MMP21: variants seen among roughly 807,000 people sequenced by gnomAD.
MMP21 encodes matrix metallopeptidase 21, also known as matrix metalloproteinase-21.
MMP21 carries 40 observed loss-of-function variants against 47.8 expected under a neutral mutation model. The ratio of observed to expected loss-of-function variants is 0.84; its 90% CI spans 0.65 to 1.09. The LOEUF is 1.09. Among genes scored for constraint, MMP21 ranks in the 50% least tolerant of loss-of-function variants. The probability of loss-of-function intolerance (pLI) is 0.00; values close to 1 mark genes in which losing one functional copy is unlikely to be tolerated. For synonymous variants in MMP21, 341 were observed against 318.0 expected, an observed-to-expected ratio of 1.07 and a Z score of -0.77; for missense variants, 747 against 775.3, an observed-to-expected ratio of 0.96 and a Z score of 0.43.
chr10:125,769,909 A>C (rs1239109067), intron 5 of MMP21, among the ~76,000 whole-genome samples: 1 of 152,172 alleles, frequency 6.6e-6, no homozygotes, highest in Non-Finnish European at 1.5e-5. Context: ...ACACTTTGAG[A>C]GGCCAAGGTG....
Position 125,773,759 on chromosome 10 carries a change from G to A in MMP21, c.697+72C>T, listed in dbSNP as rs1429096948. The A allele has an allele frequency of 1.1e-5, 16 of 1,431,748 alleles. No homozygotes were observed. The highest frequency in any genetic ancestry group is 1.5e-5 in the Non-Finnish European group (16 of 1,097,922). The allele number at this position is 1,431,748 out of a possible 1,614,324, so 88.7% of individuals were successfully genotyped here. A position where few individuals can be genotyped will look rare whatever the true frequency, so the allele number is the denominator to read the frequency against. On this transcript the variant is annotated intron_variant, in intron 2 of 6. Transcript: ENST00000368808. This position sits in a 1 kb window ranked among gnomAD's most constrained non-coding sequence, Gnocchi z 4.8. ...TTAGCCCCCCATTCTGCAGGTGGCC[G>A]AGGTGGGGGTAGGTGCGCCGGGGTC...
At chr10:125,767,872 C>G (rs1160719808) in intron 5 of MMP21, among the ~76,000 whole-genome samples, 168 bp from the exon 6 acceptor site, 1 of 152,144 alleles carries the variant, frequency 6.6e-6, no homozygotes, top group African/African-American at 2.4e-5. Context: ...CCGCCATTTC[C>G]CCGCGTCTTG....
rs1850492799 is a variant in MMP21 at position 125,774,379 on chromosome 10, A to G, written c.163-14T>C. The G allele has an allele frequency of 2.3e-6, 3 of 1,332,836 alleles. No homozygotes were observed. Among genetic ancestry groups the G allele is most frequent in the South Asian group, 1.9e-5 (1 of 53,116 alleles). The allele number at this position is 1,332,836 out of a possible 1,614,324, so 82.6% of individuals were successfully genotyped here. ...GGACAGGAACCGCTGTGGGAGAGAA[A>G]GGCACCCTAATCTGGGCCGCCTCGC... On this transcript the variant is annotated splice_polypyrimidine_tract_variant and intron_variant, in intron 1 of 6. Coordinates refer to ENST00000368808, the MANE Select transcript of MMP21 (RefSeq NM_147191.1).
rs555317498 is a variant in MMP21, at chr10:125,775,628, G to T, written c.162+32C>A. The stretch of plus-strand genomic sequence containing the variant: ...GCCTGTGTGCACGTGCACGGGCCTG[G>T]GGGTATTGCTGTTCTTCCAGCTTCC... On this transcript the variant is annotated intron_variant, in intron 1 of 6. Transcript: ENST00000368808. 32 of 1,577,038 alleles carry T rather than the reference G, an allele frequency of 2.0e-5. 1 individual carries two copies. In the East Asian group the frequency reaches 7.2e-4, roughly 35 times the overall value.
At position 125,774,036 on chromosome 10, in the gene MMP21, G is replaced by C; in HGVS notation, c.492C>G (p.Asp164Glu). The C allele has an allele frequency of 6.7e-7, 1 of 1,492,618 alleles. No homozygotes were observed. Among genetic ancestry groups the C allele is most frequent in the Non-Finnish European group, 8.9e-7 (1 of 1,126,290 alleles). 92.5% of individuals were successfully genotyped at this position (1,492,618 alleles called of 1,614,324 possible). A position where few individuals can be genotyped will look rare whatever the true frequency, so the allele number is the denominator to read the frequency against. The change falls in exon 2 of 7, where the codon GAC (aspartate) becomes GAG (glutamate). Residue 164 changes from aspartate to glutamate, a missense_variant. Asp to Glu is a conservative substitution (Grantham distance 45, BLOSUM62 2). Coordinates refer to ENST00000368808, the MANE Select transcript of MMP21 (RefSeq NM_147191.1). The part of the protein sequence containing the change: ...RRGWQPRGYP[D>E]GGAAQAFSKR... ...TGGAGAAGGCCTGGGCAGCTCCGCC[G>C]TCGGGGTAGCCCCGGGGCTGCCAAC...
At chr10:125,775,581 G>C in intron 1 of MMP21, 79 bp downstream of exon 1, 1 of 1,476,392 alleles carries the variant, frequency 6.8e-7, no homozygotes, top group Non-Finnish European at 9.0e-7. Flanking sequence ...CCTGGCCTGT[G>C]CCTGTGCGCG....
At position 125,766,549 on chromosome 10, in the gene MMP21, G is replaced by T; in HGVS notation, c.*113C>A. On this transcript the variant is annotated 3_prime_UTR_variant, in exon 7 of 7. Transcript: ENST00000368808. Reference sequence around the variant, plus strand: ...GTTCAACTAAGGCTTTTCCCATTGGGTTTTAACTTACAGTGCCATATTTTC... The same window carrying T: ...GTTCAACTAAGGCTTTTCCCATTGGTTTTTAACTTACAGTGCCATATTTTC... The T allele has an allele frequency of 1.2e-6, 1 of 817,198 alleles. No homozygotes were observed. The highest frequency in any genetic ancestry group is 1.8e-6 in the Non-Finnish European group (1 of 541,704). The allele number at this position is 817,198 out of a possible 1,614,324, so 50.6% of individuals were successfully genotyped here.
chr10:125,769,157 A>C (rs376823492), intron 5 of MMP21, among the ~76,000 whole-genome samples: 1 of 152,182 alleles, frequency 6.6e-6, no homozygotes, highest in Non-Finnish European at 1.5e-5. Flanking sequence ...CTGGTTTTGC[A>C]AAGGCAGCGT....
rs907379999 is a variant in MMP21 at position 125,772,856 on chromosome 10, A to C, written c.698-106T>G. The C allele has an allele frequency of 3.1e-5, 39 of 1,271,668 alleles. No homozygotes were observed. The African/African-American group carries it at 5.6e-4, about 18-fold the overall frequency. 78.8% of individuals were successfully genotyped at this position (1,271,668 alleles called of 1,614,324 possible). A position where few individuals can be genotyped will look rare whatever the true frequency, so the allele number is the denominator to read the frequency against. On this transcript the variant is annotated intron_variant, in intron 2 of 6. Transcript: ENST00000368808. This position sits in a 1 kb window ranked among gnomAD's most constrained non-coding sequence, Gnocchi z 5.6. ...CTCCAGGAGCCGGCAGCAGAGGTAG[A>C]CAGAGTGGCAGCTCCTGGATTAAGT...
Position 125,774,324 on chromosome 10 carries a change from G to A in MMP21, c.204C>T (p.Ala68=). The A allele has an allele frequency of 1.4e-6, 2 of 1,413,238 alleles. No individual in the cohort carries two copies. The highest frequency in any genetic ancestry group is 1.5e-5 in the African/African-American group (1 of 66,200). The allele number at this position is 1,413,238 out of a possible 1,614,324, so 87.5% of individuals were successfully genotyped here. A position where few individuals can be genotyped will look rare whatever the true frequency, so the allele number is the denominator to read the frequency against. Residue 68 remains alanine (A), a synonymous_variant, in exon 2 of 7, where the codon GCC becomes GCT. Transcript: ENST00000368808. The part of the protein sequence containing the change: ...SRYGWSGVWA[A]WGPSPEGPPE... ...GCGGCCCCTCGGGACTGGGCCCCCA[G>A]GCCGCCCACACCCCTGACCAGCCGT...
At chr10:125,767,055 AC>A in intron 6 of MMP21, 94 bp from the exon 7 acceptor site, 1 of 1,020,876 alleles carries the variant, frequency 9.8e-7, no homozygotes, top group Non-Finnish European at 1.4e-6. Context: ...AAGACTTTGT[AC>A]CAAATTCTTT....
intron 5 of MMP21, among the ~76,000 whole-genome samples, chr10:125,768,262 G>T (rs1455445291): frequency 6.6e-6 from 1 of 152,180 alleles, no homozygotes; most frequent in Non-Finnish European, 1.5e-5. Context: ...TAAGGACACT[G>T]GAGTAGAGAG....
Position 125,767,574 on chromosome 10 carries a change from A to G in MMP21, c.1368T>C (p.Tyr456=). 1 of 1,614,238 alleles carries G rather than the reference A, an allele frequency of 6.2e-7. No individual in the cohort carries two copies. Among genetic ancestry groups the G allele is most frequent in the South Asian group, 1.1e-5 (1 of 91,086 alleles). ...AGTAAATTAACTTCTGTCTTCGGTCATAAAACGCCGTGTCTAGGGGACTTG... is the reference window on the plus strand; with the variant it reads ...AGTAAATTAACTTCTGTCTTCGGTCGTAAAACGCCGTGTCTAGGGGACTTG... ...GIPSPLDTAF[Y]DRRQKLIYFF... is the part of the protein sequence containing the mutation. The change falls in exon 6 of 7, where the codon TAT becomes TAC. Residue 456 remains tyrosine (Y), a synonymous_variant. Coordinates refer to ENST00000368808, the MANE Select transcript of MMP21 (RefSeq NM_147191.1).
chr10:125,773,109 A>G lies in MMP21; in HGVS notation c.698-359T>C, dbSNP rs1850472663. Reference sequence around the variant, plus strand: ...GAAATATTGAAAGCTGGGTCCCTTAAAATTTGTCTTTTTCAGCCAACCGTG... The same window carrying G: ...GAAATATTGAAAGCTGGGTCCCTTAGAATTTGTCTTTTTCAGCCAACCGTG... On this transcript the variant is annotated intron_variant, in intron 2 of 6. Transcript: ENST00000368808. The surrounding 1 kb of genome is among the most constrained non-coding windows in gnomAD (Gnocchi z 4.8). 6.6e-6 allele frequency among the ~76,000 whole-genome samples: 1 copy of G among 152,086 alleles called. No homozygotes were observed. Among genetic ancestry groups the G allele is most frequent in the South Asian group, 2.1e-4 (1 of 4,820 alleles).
chr10:125,774,233 G>A lies in MMP21; in HGVS notation c.295C>T (p.Pro99Ser). ...VRRFQRANAL[P>S]ASGELDAATL... ...GCCGCGTCCAGCTCCCCGCTGGCCG[G>A]CAGCGCGTTCGCCCGCTGGAACCTG... Residue 99 changes from proline to serine, a missense_variant, in exon 2 of 7, where the codon CCG becomes TCG. Transcript: ENST00000368808. 1.4e-6 allele frequency: 2 copies of A among 1,398,178 alleles called. No individual in the cohort carries two copies. Among genetic ancestry groups the A allele is most frequent in the Non-Finnish European group, 1.9e-6 (2 of 1,079,236 alleles). The allele number at this position is 1,398,178 out of a possible 1,614,324, so 86.6% of individuals were successfully genotyped here.
Position 125,773,800 on chromosome 10 carries a change from C to T in MMP21, c.697+31G>A, listed in dbSNP as rs761330530. Reference sequence around the variant, plus strand: ...CGCCGGGGTCCCCGAGGGGCTGGGTCGGGCAGGCAGGGAGCCCGGGGTGCT... The same window carrying T: ...CGCCGGGGTCCCCGAGGGGCTGGGTTGGGCAGGCAGGGAGCCCGGGGTGCT... On this transcript the variant is annotated intron_variant, in intron 2 of 6. Transcript: ENST00000368808. This position sits in a 1 kb window ranked among gnomAD's most constrained non-coding sequence, Gnocchi z 4.8. 2.0e-6 allele frequency: 3 copies of T among 1,470,174 alleles called. No individual in the cohort carries two copies. The highest frequency in any genetic ancestry group is 2.7e-6 in the Non-Finnish European group (3 of 1,115,980). 91.1% of individuals were successfully genotyped at this position (1,470,174 alleles called of 1,614,324 possible).
In MMP21 at chr10:125,766,626, G is replaced by A. The variant is rs768089858; in HGVS notation, c.*36C>T. The A allele has an allele frequency of 1.7e-5, 25 of 1,495,920 alleles. 1 individual carries two copies. The highest frequency in any genetic ancestry group is 3.7e-4 in the Middle Eastern group (2 of 5,386). 92.7% of individuals were successfully genotyped at this position (1,495,920 alleles called of 1,614,324 possible). A position where few individuals can be genotyped will look rare whatever the true frequency, so the allele number is the denominator to read the frequency against. The stretch of plus-strand genomic sequence containing the variant: ...TTGTAAACAGTATCAGAATTTTAGC[G>A]AAGTCCTATGACCCTCCATTTCCTA... On this transcript the variant is annotated 3_prime_UTR_variant, in exon 7 of 7. Transcript: ENST00000368808.
intron 5 of MMP21, among the ~76,000 whole-genome samples, chr10:125,768,990 G>A (rs1414264505): frequency 6.6e-6 from 1 of 152,134 alleles, no homozygotes; most frequent in East Asian, 1.9e-4. Flanking sequence ...CATTCAGTTT[G>A]GCTCTCACCT....
At chr10:125,770,800 T>TG (rs935401406) in intron 4 of MMP21, among the ~76,000 whole-genome samples, 1 of 151,224 alleles carries the variant, frequency 6.6e-6, no homozygotes, top group African/African-American at 2.4e-5. Flanking sequence ...ACAGGAGGAT[T>TG]GCTTGAGTTC....
Sources: allele counts gnomAD v4.1 joint callset (sites outside exome capture counted in the v4.1 genomes callset), GRCh38; gene constraint gnomAD v4.1.1; non-coding constraint Gnocchi (gnomAD v3.1); transcripts MANE v1.5; gene names NCBI Gene and HGNC (gene_info 2026-07-23, HGNC 2026-07-21).